Variants in WDR64 observed in about 807,000 individuals in gnomAD.
The protein encoded by WDR64 is WD repeat domain 64.
In WDR64, 112 loss-of-function variants were observed where a neutral mutation model predicts 139.3. The ratio of observed to expected loss-of-function variants is 0.80; its 90% CI spans 0.69 to 0.94. WDR64 has a LOEUF of 0.94. Among genes scored for constraint, WDR64 ranks in the 40% least tolerant of loss-of-function variants. WDR64 has a pLI of 0.00. For synonymous variants in WDR64, 444 were observed against 437.7 expected, an observed-to-expected ratio of 1.01 and a Z score of -0.18; for missense variants, 1,206 against 1,293.1, an observed-to-expected ratio of 0.93 and a Z score of 1.03.
chr1:241,735,533 C>CCCTTTTTTTTTTTTTTTTTTTTTTTTTTT (rs1237771842), intron 10 of WDR64, among the ~76,000 whole-genome samples: 3 of 103,514 alleles, frequency 2.9e-5, no homozygotes, highest in Admixed American at 1.1e-4. Context: ...CTCTCTCTCT[C>CCCTTTTTTTTTTTTTTTTTTTTTTTTTTT]TTTTTTTTTT....
At chr1:241,794,297 TC>T (rs1659293811) in intron 25 of WDR64, among the ~76,000 whole-genome samples, 1 of 152,072 alleles carries the variant, frequency 6.6e-6, no homozygotes, top group Non-Finnish European at 1.5e-5. Context: ...TAACAGATAC[TC>T]AATTTTGTTG....
intron 9 of WDR64, among the ~76,000 whole-genome samples, chr1:241,712,127 T>C (rs763356651): frequency 6.6e-6 from 1 of 152,212 alleles, no homozygotes; most frequent in Non-Finnish European, 1.5e-5. Context: ...TTGTTTTCTG[T>C]TTTACCTTTA....
chr1:241,720,642 A>G (rs938509768), intron 9 of WDR64, among the ~76,000 whole-genome samples: 7 of 151,822 alleles, frequency 4.6e-5, no homozygotes, highest in African/African-American at 1.7e-4. Context: ...TCACTTTTTA[A>G]TGGGGTAGTT....
At chr1:241,682,263 T>C (rs777306917) in intron 6 of WDR64, among the ~76,000 whole-genome samples, 2 of 152,352 alleles carry the variant, frequency 1.3e-5, no homozygotes, top group African/African-American at 2.4e-5. Flanking sequence ...TTTCAGGTCT[T>C]AGATTTAAGT....
rs1053767258 is a variant in WDR64, at chr1:241,796,264, G to C, written c.3086G>C (p.Ser1029Thr). The change falls in exon 27 of 28, where the codon AGC becomes ACC. Residue 1029 changes from serine (S) to threonine (T), a missense_variant. Ser to Thr is a moderately conservative substitution (Grantham distance 58, BLOSUM62 1). Coordinates refer to ENST00000437684, the MANE Select transcript of WDR64 (RefSeq NM_001367482.1). ...CTAATTTATGGCTTCCAGATATCAAGCCCCACTAGTCTAAGATTTCTTCCA... is the reference window on the plus strand; with the variant it reads ...CTAATTTATGGCTTCCAGATATCAACCCCCACTAGTCTAAGATTTCTTCCA... ...FGSLPIYSIS[S>T]PTSLRFLPLI... is the part of the protein sequence containing the mutation. 5.0e-6 allele frequency: 8 copies of C among 1,611,578 alleles called. No homozygotes were observed. Among genetic ancestry groups the C allele is most frequent in the Non-Finnish European group, 1.7e-6 (2 of 1,178,562 alleles).
intron 8 of WDR64, among the ~76,000 whole-genome samples, chr1:241,705,164 C>A (rs974960477): frequency 3.3e-5 from 5 of 152,146 alleles, no homozygotes; most frequent in Non-Finnish European, 5.9e-5. Context: ...CACAGGCTCA[C>A]CTTGGGCAAG....
chr1:241,749,562 G>C lies in WDR64; in HGVS notation c.1610G>C (p.Trp537Ser). 1 of 1,614,082 alleles carries C rather than the reference G, an allele frequency of 6.2e-7. No individual in the cohort carries two copies. The highest frequency in any genetic ancestry group is 8.5e-7 in the Non-Finnish European group (1 of 1,179,992). The change falls in exon 14 of 28, where the codon TGG becomes TCG. Residue 537 changes from tryptophan to serine, a missense_variant. Coordinates refer to ENST00000437684, the MANE Select transcript of WDR64 (RefSeq NM_001367482.1). ...GTATGCTCAGGAACAGTCAGAATCT[G>C]GGACTTTGGCAGTGGGCAGGAGATG... ...TGAYNGTVRI[W>S]DFGSGQEMKV...
intron 15 of WDR64, among the ~76,000 whole-genome samples, chr1:241,761,529 A>C (rs1657898144): frequency 6.6e-6 from 1 of 151,524 alleles, no homozygotes; most frequent in Non-Finnish European, 1.5e-5. Context: ...CTAATGTTTT[A>C]AAAGTTTGTT....
At chr1:241,795,918 T>C (rs1659349774) in intron 26 of WDR64, among the ~76,000 whole-genome samples, 1 of 152,154 alleles carries the variant, frequency 6.6e-6, no homozygotes, top group Admixed American at 6.6e-5. Context: ...TAACAGATGA[T>C]GCTAAAGGGT....
intron 2 of WDR64, among the ~76,000 whole-genome samples, chr1:241,668,844 G>A (rs1666117947): frequency 6.6e-6 from 1 of 151,266 alleles, no homozygotes; most frequent in Admixed American, 6.6e-5. Context: ...AGGTTGCAGT[G>A]AGTCGAGATC....
chr1:241,683,862 T>G (rs1441792372), intron 7 of WDR64, among the ~76,000 whole-genome samples, 161 bp downstream of exon 7: 3 of 110,788 alleles, frequency 2.7e-5, no homozygotes, highest in Non-Finnish European at 5.7e-5. Context: ...ATTGTTCATG[T>G]ATACACACAC....
In WDR64 at chr1:241,652,471, T is replaced by C. The variant is rs555750419; in HGVS notation, c.-14T>C. 9 of 1,548,056 alleles carry C rather than the reference T, an allele frequency of 5.8e-6. No individual in the cohort carries two copies. The African/African-American group carries it at 8.2e-5, about 14-fold the overall frequency. ...ATTCTTTCTGTACAGAAGTAAAAGA[T>C]CCCCTATGTCCCTATGGATATCAGG... On this transcript the variant is annotated 5_prime_UTR_variant, in exon 1 of 28. Coordinates refer to ENST00000437684, the MANE Select transcript of WDR64 (RefSeq NM_001367482.1).
At chr1:241,790,734 A>T in intron 25 of WDR64, 38 bp downstream of exon 25, 1 of 1,439,732 alleles carries the variant, frequency 6.9e-7, no homozygotes, top group South Asian at 1.2e-5. Flanking sequence ...AATGGCAACA[A>T]CAACAAAACC....
In WDR64 at chr1:241,652,616, T is replaced by G. The variant is rs983408512; in HGVS notation, c.132T>G (p.Phe44Leu). The G allele has an allele frequency of 6.4e-7, 1 of 1,551,714 alleles. No individual in the cohort carries two copies. Among genetic ancestry groups the G allele is most frequent in the Non-Finnish European group, 8.7e-7 (1 of 1,147,002 alleles). The change falls in exon 1 of 28, where the codon TTT becomes TTG. Residue 44 changes from phenylalanine to leucine, a missense_variant. Coordinates refer to ENST00000437684, the MANE Select transcript of WDR64 (RefSeq NM_001367482.1). Reference protein sequence around the residue: ...AQKRDERAGLFIHKEDAIGYD... With the variant: ...AQKRDERAGLLIHKEDAIGYD... ...AAAGAGATGAAAGAGCAGGCTTATTTATCCATAAAGAAGGTAAGATCAGTG... is the reference window on the plus strand; with the variant it reads ...AAAGAGATGAAAGAGCAGGCTTATTGATCCATAAAGAAGGTAAGATCAGTG...
intron 9 of WDR64, among the ~76,000 whole-genome samples, chr1:241,718,453 C>T (rs970712248): frequency 3.3e-5 from 5 of 151,968 alleles, no homozygotes; most frequent in African/African-American, 1.2e-4. Context: ...TCTTTGTATC[C>T]TTCACATCTT....
At chr1:241,669,426 T>G (rs1666140652) in intron 2 of WDR64, among the ~76,000 whole-genome samples, 1 of 152,250 alleles carries the variant, frequency 6.6e-6, no homozygotes, top group Non-Finnish European at 1.5e-5. Context: ...AACATAGATC[T>G]ATTAATTTTC....
At chr1:241,658,749 A>G (rs1665707800) in intron 1 of WDR64, among the ~76,000 whole-genome samples, 1 of 152,176 alleles carries the variant, frequency 6.6e-6, no homozygotes, top group South Asian at 2.1e-4. Context: ...GAAAAAGGCA[A>G]TTCATTCTTG....
At position 241,660,556 on chromosome 1, in the gene WDR64, G is replaced by C. The variant is rs1305946141; in HGVS notation, c.172G>C (p.Ala58Pro). Residue 58 changes from alanine (A) to proline (P), a missense_variant, in exon 2 of 28, where the codon GCA becomes CCA. Ala to Pro is a conservative substitution (Grantham distance 27, BLOSUM62 -1). Transcript: ENST00000437684. Reference protein sequence around the residue: ...EDAIGYDKFYASVQKLFGPDV... With the variant: ...EDAIGYDKFYPSVQKLFGPDV... ...TGCAATTGGTTATGACAAGTTTTAT[G>C]CATCGGTACAGAAGCTCTTTGGTCC... 6.4e-7 allele frequency: 1 copy of C among 1,551,768 alleles called. No individual in the cohort carries two copies.
At chr1:241,711,989 A>G (rs1367670757) in intron 9 of WDR64, 108 bp downstream of exon 9, 1 of 1,035,360 alleles carries the variant, frequency 9.7e-7, no homozygotes, top group East Asian at 2.5e-5. Flanking sequence ...AATTTGTATC[A>G]AGTCAAATCT....
Sources: gnomAD v4.1 joint callset for allele counts (sites outside exome capture counted in the v4.1 genomes callset) on GRCh38, gnomAD v4.1.1 for gene constraint, MANE v1.5 for transcripts, NCBI Gene and HGNC (gene_info 2026-07-23, HGNC 2026-07-21) for gene names.